The following ANKRD27 variants were observed in gnomAD, a reference collection of about 807,000 sequenced individuals.
ANKRD27 encodes ankyrin repeat domain-containing protein 27.
ANKRD27 carries 112 observed loss-of-function variants against 129.7 expected under a neutral mutation model. The ratio of observed to expected loss-of-function variants is 0.86; its 90% confidence interval spans 0.74 to 1.01. The LOEUF is 1.01. ANKRD27 is among the 50% of genes least tolerant of loss of function. ANKRD27 has a pLI of 0.00. For synonymous variants in ANKRD27, 516 were observed against 511.2 expected, an observed-to-expected ratio of 1.01 and a Z score of -0.13; for missense variants, 1,258 against 1,300.5, an observed-to-expected ratio of 0.97 and a Z score of 0.50.
intron 1 of ANKRD27, among the ~76,000 whole-genome samples, chr19:32,664,564 C>T (rs1967709748): frequency 1.3e-5 from 2 of 148,420 alleles, no homozygotes; most frequent in Admixed American, 6.8e-5. Context: ...TGCAGTGAGC[C>T]GAGATTGTGC....
In ANKRD27 at chr19:32,646,349, G is replaced by A. The variant is rs182007624; in HGVS notation, c.370+110C>T. On this transcript the variant is annotated intron_variant, in intron 4 of 28. Transcript: ENST00000306065. ...CTCCCAAAGTGCAGGGATTACAGGCGCGAGCCACCATACCCGGCCTTGTTT... is the reference window on the plus strand; with the variant it reads ...CTCCCAAAGTGCAGGGATTACAGGCACGAGCCACCATACCCGGCCTTGTTT... The A allele has an allele frequency of 7.9e-4, 885 of 1,121,780 alleles. 3 individuals carry two copies. In the African/African-American group the frequency reaches 0.012, roughly 15 times the overall value. 69.5% of individuals were successfully genotyped at this position (1,121,780 alleles called of 1,614,324 possible). A position where few individuals can be genotyped will look rare whatever the true frequency, so the allele number is the denominator to read the frequency against.
At position 32,626,938 on chromosome 19, in the gene ANKRD27, A is replaced by G. The variant is rs78889761; in HGVS notation, c.1421-111T>C. 1,866 of 611,980 alleles carry G rather than the reference A, an allele frequency of 3.0e-3. 25 individuals are homozygous for G. Among genetic ancestry groups the G allele is most frequent in the African/African-American group, 0.03 (1,604 of 52,820 alleles). 37.9% of individuals were successfully genotyped at this position (611,980 alleles called of 1,614,324 possible). A position where few individuals can be genotyped will look rare whatever the true frequency, so the allele number is the denominator to read the frequency against. On this transcript the variant is annotated intron_variant, in intron 15 of 28. Coordinates refer to ENST00000306065, the MANE Select transcript of ANKRD27 (RefSeq NM_032139.3). ...CCTCCTAGTCCTGGGCATGAAACCC[A>G]CGGTAGATACTTTTTCTGCTAGAGA...
intron 11 of ANKRD27, 83 bp from the exon 12 acceptor site, chr19:32,639,571 G>C: frequency 6.8e-7 from 1 of 1,460,558 alleles, no homozygotes. Context: ...TTGGGCAACT[G>C]ATCAAATATC....
At chr19:32,601,555 T>C (rs1971654477) in intron 26 of ANKRD27, among the ~76,000 whole-genome samples, 1 of 139,396 alleles carries the variant, frequency 7.2e-6, no homozygotes, top group African/African-American at 2.8e-5. Flanking sequence ...GAGCTGGCAG[T>C]GAGCTGAGAT....
intron 23 of ANKRD27, among the ~76,000 whole-genome samples, chr19:32,606,569 G>T (rs549810061): frequency 6.6e-6 from 1 of 152,348 alleles, no homozygotes; most frequent in Non-Finnish European, 1.5e-5. Context: ...CAGGGTGACA[G>T]TGATCTCACT....
At position 32,615,727 on chromosome 19, in the gene ANKRD27, A is replaced by G. The variant is rs142474643; in HGVS notation, c.2106T>C (p.Thr702=). 365 of 1,614,208 alleles carry G rather than the reference A, an allele frequency of 2.3e-4. 1 individual carries two copies. Among genetic ancestry groups the G allele is most frequent in the South Asian group, 1.6e-3 (145 of 91,090 alleles). ...TEEDLEDAED[T]VSAADPEFCH... is the part of the protein sequence containing the mutation. ...AGAATTCGGGGTCCGCTGCACTGAC[A>G]GTGTCCTCCGCATCCTCCAGGTCCT... is the stretch of plus-strand genomic sequence containing the variant. The change falls in exon 22 of 29, where the codon ACT becomes ACC. Residue 702 remains threonine, a synonymous_variant. Transcript: ENST00000306065.
chr19:32,641,042 G>C (rs1967190836), intron 10 of ANKRD27, among the ~76,000 whole-genome samples: 1 of 152,024 alleles, frequency 6.6e-6, no homozygotes. Flanking sequence ...GGGACTACAG[G>C]TGCCCGCCAC....
chr19:32,647,577 T>G (rs1967327274), intron 3 of ANKRD27, among the ~76,000 whole-genome samples: 1 of 152,232 alleles, frequency 6.6e-6, no homozygotes, highest in East Asian at 1.9e-4. Flanking sequence ...ATGCGGCAGC[T>G]GAGGTTTGTG....
At chr19:32,659,193 C>T (rs1467788394) in intron 1 of ANKRD27, 148 bp from the exon 2 acceptor site, 5 of 545,844 alleles carry the variant, frequency 9.2e-6, no homozygotes, top group African/African-American at 4.1e-5. Context: ...GGCTGGAGCG[C>T]GGCTCAGCCT....
chr19:32,612,585 G>A (rs539921112), intron 22 of ANKRD27, among the ~76,000 whole-genome samples: 27 of 152,266 alleles, frequency 1.8e-4, no homozygotes, highest in African/African-American at 6.5e-4. Context: ...CATCAAGACA[G>A]CGCGGTACTG....
intron 14 of ANKRD27, 132 bp from the exon 15 acceptor site, chr19:32,628,297 C>T (rs1337858107): frequency 2.1e-5 from 15 of 706,786 alleles, no homozygotes; most frequent in East Asian, 5.4e-5. Flanking sequence ...TGTGTGTCTC[C>T]GGCACTGTCC....
At chr19:32,665,485 A>C (rs1298847731) in intron 1 of ANKRD27, among the ~76,000 whole-genome samples, 1 of 150,638 alleles carries the variant, frequency 6.6e-6, no homozygotes, top group African/African-American at 2.4e-5. Flanking sequence ...TTTGAGACAG[A>C]GTCTTGCTCT....
intron 9 of ANKRD27, among the ~76,000 whole-genome samples, chr19:32,642,357 C>T (rs1967217866): frequency 6.8e-6 from 1 of 147,060 alleles, no homozygotes; most frequent in Non-Finnish European, 1.5e-5. Flanking sequence ...TAGAGTTGTA[C>T]AAGAAAAGCT....
At chr19:32,612,286 T>C (rs940716244) in intron 22 of ANKRD27, among the ~76,000 whole-genome samples, 1 of 152,200 alleles carries the variant, frequency 6.6e-6, no homozygotes, top group African/African-American at 2.4e-5. Flanking sequence ...CGTTGAGTCA[T>C]ATGATGTTAT....
chr19:32,615,487 G>A (rs560625234), intron 22 of ANKRD27, among the ~76,000 whole-genome samples, 171 bp downstream of exon 22: 48 of 152,262 alleles, frequency 3.2e-4, no homozygotes, highest in Non-Finnish European at 7.1e-4. Flanking sequence ...AGGACACTGA[G>A]GTGAGAGGAT....
At position 32,656,893 on chromosome 19, in the gene ANKRD27, G is replaced by T. The variant is rs181680671; in HGVS notation, c.102+2021C>A. ...CAGCTTTTAATAATTGCTGTGAAAT[G>T]AAGAGATGACAGTGAATGTCTTTGG... is the stretch of plus-strand genomic sequence containing the variant. On this transcript the variant is annotated intron_variant, in intron 2 of 28. Transcript: ENST00000306065. 4.0e-3 allele frequency among the ~76,000 whole-genome samples: 605 copies of T among 152,210 alleles called. 4 individuals are homozygous for T. Among genetic ancestry groups the T allele is most frequent in the Non-Finnish European group, 5.4e-3 (365 of 68,014 alleles).
chr19:32,619,147 T>C (rs1283134714), intron 20 of ANKRD27, 113 bp downstream of exon 20: 8 of 1,409,662 alleles, frequency 5.7e-6, no homozygotes, highest in Middle Eastern at 5.2e-4. Flanking sequence ...GGCCTCAGCA[T>C]GGGCAAGCAG....
At chr19:32,645,136 G>A (rs1017940333) in intron 4 of ANKRD27, among the ~76,000 whole-genome samples, 9 of 152,120 alleles carry the variant, frequency 5.9e-5, no homozygotes, top group Non-Finnish European at 7.3e-5. Context: ...TTTATTGGCC[G>A]GGCGCAGCGG....
intron 17 of ANKRD27, 34 bp downstream of exon 17, chr19:32,625,840 A>C (rs1230567401): frequency 6.7e-7 from 1 of 1,494,614 alleles, no homozygotes. Context: ...GAAAGGGTGA[A>C]CGCAGCCCCC....
Sources: gnomAD v4.1 joint callset for allele counts (sites outside exome capture counted in the v4.1 genomes callset) on GRCh38, gnomAD v4.1.1 for gene constraint, MANE v1.5 for transcripts, NCBI Gene and HGNC (gene_info 2026-07-23, HGNC 2026-07-21) for gene names.